The following NDFIP2 variants were observed in gnomAD, a reference collection of about 807,000 sequenced individuals.
The protein encoded by NDFIP2 is Nedd4 family interacting protein 2.
Under a neutral mutation model 36.0 loss-of-function variants are expected in NDFIP2, and 19 were observed. The observed-to-expected ratio is 0.53, with a 90% CI of 0.37 to 0.77. The LOEUF (loss-of-function observed/expected upper bound fraction) is 0.77. Ranked by LOEUF, NDFIP2 falls within the 30% of genes least tolerant of loss-of-function variation. The probability of loss-of-function intolerance (pLI) is 0.00; values close to 1 mark genes in which losing one functional copy is unlikely to be tolerated. For missense variants in NDFIP2, 446 were observed against 435.8 expected (o/e 1.02, Z -0.21); for synonymous variants, 181 against 167.7 (o/e 1.08, Z -0.61).
At chr13:79,543,096 C>T (rs901001622) in intron 4 of NDFIP2, among the ~76,000 whole-genome samples, 2 of 152,102 alleles carry the variant, frequency 1.3e-5, no homozygotes, top group Admixed American at 6.5e-5. Flanking sequence ...AGGCTGGTCT[C>T]GAACTCCTGA....
chr13:79,505,670 T>C (rs761479792), intron 1 of NDFIP2, among the ~76,000 whole-genome samples: 2 of 149,152 alleles, frequency 1.3e-5, no homozygotes, highest in Non-Finnish European at 3.0e-5. Context: ...TCCCAAAGAA[T>C]AGGTAGTATT....
chr13:79,550,004 G>C (rs1325337135), intron 6 of NDFIP2, among the ~76,000 whole-genome samples: 1 of 151,708 alleles, frequency 6.6e-6, no homozygotes, highest in Admixed American at 6.6e-5. Flanking sequence ...CTTGCAGTTG[G>C]GGTACAAATT....
intron 1 of NDFIP2, among the ~76,000 whole-genome samples, chr13:79,510,506 G>C (rs1020231426): frequency 1.3e-5 from 2 of 151,910 alleles, no homozygotes; most frequent in Non-Finnish European, 2.9e-5. Context: ...TAGGAAAAAT[G>C]GAGTAAAAAT....
intron 3 of NDFIP2, among the ~76,000 whole-genome samples, chr13:79,537,049 A>ATT (rs78520083): frequency 5.9e-4 from 87 of 146,852 alleles, no homozygotes; most frequent in Admixed American, 1.1e-3. Flanking sequence ...TCTTGTCTTA[A>ATT]TTTTTTTTTT....
chr13:79,548,904 A>G (rs1216108713), intron 6 of NDFIP2, among the ~76,000 whole-genome samples: 1 of 152,000 alleles, frequency 6.6e-6, no homozygotes, highest in Non-Finnish European at 1.5e-5. Context: ...GTGTCTTTTT[A>G]TTAATATTGA....
intron 6 of NDFIP2, among the ~76,000 whole-genome samples, chr13:79,548,773 A>G (rs1046272354): frequency 3.9e-5 from 6 of 152,162 alleles, no homozygotes; most frequent in Admixed American, 3.3e-4. Flanking sequence ...TTTTTTGATC[A>G]TGGAAACATT....
At chr13:79,498,796 A>G (rs191031948) in intron 1 of NDFIP2, among the ~76,000 whole-genome samples, 3 of 152,158 alleles carry the variant, frequency 2.0e-5, no homozygotes, top group East Asian at 1.9e-4. Context: ...TTAAGTTTCC[A>G]TCACGGGAGT....
chr13:79,544,314 C>G (rs1379851162), intron 5 of NDFIP2, among the ~76,000 whole-genome samples: 2 of 152,124 alleles, frequency 1.3e-5, no homozygotes, highest in African/African-American at 4.8e-5. Flanking sequence ...AAGTCACCCC[C>G]TGCCTTCTTA....
At chr13:79,526,284 GGTGCCTTT>G (rs1368347640) in intron 2 of NDFIP2, among the ~76,000 whole-genome samples, 1 of 152,132 alleles carries the variant, frequency 6.6e-6, no homozygotes, top group Non-Finnish European at 1.5e-5. Context: ...TTGAATTTTA[GGTGCCTTT>G]GAGAACTAAA....
At chr13:79,524,171 C>A (rs1161859365) in intron 2 of NDFIP2, among the ~76,000 whole-genome samples, 1 of 152,176 alleles carries the variant, frequency 6.6e-6, no homozygotes, top group Non-Finnish European at 1.5e-5. Flanking sequence ...TCCATATCCT[C>A]ATTATTAACA....
rs542724274 is a variant in NDFIP2, at chr13:79,542,533, A to C, written c.716-1025A>C. On this transcript the variant is annotated intron_variant, in intron 4 of 7. Transcript: ENST00000218652. ...TTTTGTTTTTTTTTTCAGACATTCT[A>C]ATAGTTTGGTGATGGTATCTTATTG... Among the ~76,000 whole-genome samples the C allele has an allele frequency of 5.4e-5, 8 of 148,130 alleles. No individual in the cohort carries two copies. In the East Asian group the frequency reaches 1.6e-3, roughly 29 times the overall value.
chr13:79,547,232 T>G (rs1256369530), intron 5 of NDFIP2, among the ~76,000 whole-genome samples: 1 of 152,100 alleles, frequency 6.6e-6, no homozygotes, highest in Non-Finnish European at 1.5e-5. Context: ...TTGTAAGCAT[T>G]TTTTATTTTT....
chr13:79,549,697 T>A (rs1433127453), intron 6 of NDFIP2, among the ~76,000 whole-genome samples: 1 of 151,922 alleles, frequency 6.6e-6, no homozygotes, highest in East Asian at 1.9e-4. Context: ...AAATGTGTGT[T>A]AGAAAACAGC....
At chr13:79,492,750 C>T (rs1005421029) in intron 1 of NDFIP2, among the ~76,000 whole-genome samples, 1 of 152,124 alleles carries the variant, frequency 6.6e-6, no homozygotes, top group Admixed American at 6.5e-5. Flanking sequence ...ACCTGCATAC[C>T]TCATCCCTGC....
rs368971046 is a variant in NDFIP2, at chr13:79,481,465, C to G, written c.262C>G (p.Pro88Ala). 3 of 1,563,590 alleles carry G rather than the reference C, an allele frequency of 1.9e-6. No individual in the cohort carries two copies. The East Asian group carries it at 7.1e-5, about 37-fold the overall frequency. The change falls in exon 1 of 8, where the codon CCG becomes GCG. Residue 88 changes from proline (P) to alanine (A), a missense_variant. This residue lies in a region of NDFIP2 where 369 missense variants were observed against 304.8 expected (regional missense o/e 1.21). Coordinates refer to ENST00000218652, the MANE Select transcript of NDFIP2 (RefSeq NM_019080.3). Reference protein sequence around the residue: ...EHGEDSLSRKPDPEPGRMDHH... With the variant: ...EHGEDSLSRKADPEPGRMDHH... ...CGGAGAAGACTCCCTCTCTCGGAAG[C>G]CGGATCCCGAGCCGGGCAGGATGGA...
At chr13:79,506,629 T>C (rs1026288848) in intron 1 of NDFIP2, among the ~76,000 whole-genome samples, 1 of 152,074 alleles carries the variant, frequency 6.6e-6, no homozygotes. Context: ...ATAAGCGATA[T>C]ATACTTTATT....
At chr13:79,525,852 T>C (rs188547233) in intron 2 of NDFIP2, among the ~76,000 whole-genome samples, 51 of 152,330 alleles carry the variant, frequency 3.3e-4, no homozygotes, top group Non-Finnish European at 5.3e-4. Context: ...GGCAGAACTA[T>C]TGTATATGGT....
chr13:79,518,094 G>T (rs1874421672), intron 1 of NDFIP2, among the ~76,000 whole-genome samples: 1 of 152,162 alleles, frequency 6.6e-6, no homozygotes, highest in Non-Finnish European at 1.5e-5. Flanking sequence ...ATCAGTTAAA[G>T]ATAATTAAGT....
intron 1 of NDFIP2, among the ~76,000 whole-genome samples, chr13:79,485,454 A>G (rs760099745): frequency 2.7e-4 from 41 of 152,268 alleles, no homozygotes; most frequent in Non-Finnish European, 5.7e-4. Context: ...GAGATAATGT[A>G]TAATGAGTTT....
Sources: gnomAD v4.1 joint callset for allele counts (sites outside exome capture counted in the v4.1 genomes callset) on GRCh38, gnomAD v4.1.1 for gene constraint, gnomAD v4.1.1 regional missense constraint, MANE v1.5 for transcripts, NCBI Gene and HGNC (gene_info 2026-07-23, HGNC 2026-07-21) for gene names.